PADI1: variants seen among roughly 807,000 people sequenced by gnomAD.
PADI1 encodes the protein peptidyl arginine deiminase 1, also known as protein-arginine deiminase type-1.
PADI1 carries 65 observed loss-of-function variants against 74.8 expected under a neutral mutation model. The ratio of observed to expected loss-of-function variants is 0.87; its 90% confidence interval spans 0.71 to 1.07. The LOEUF is 1.07. Among genes scored for constraint, PADI1 ranks in the 50% least tolerant of loss-of-function variants. The pLI, the probability that PADI1 is intolerant of heterozygous loss-of-function variation, is 0.00. For synonymous variants in PADI1, 371 were observed against 336.2 expected, an observed-to-expected ratio of 1.10 and a Z score of -1.13; for missense variants, 943 against 854.0, an observed-to-expected ratio of 1.10 and a Z score of -1.30.
chr1:17,219,913 A>G (rs2072089431), intron 1 of PADI1, among the ~76,000 whole-genome samples: 1 of 151,954 alleles, frequency 6.6e-6, no homozygotes, highest in Non-Finnish European at 1.5e-5. Context: ...GATCAAGGAA[A>G]CTGTCCAGGG....
chr1:17,213,198 G>T (rs918829087), intron 1 of PADI1, among the ~76,000 whole-genome samples: 3 of 11,328 alleles, frequency 2.6e-4, no homozygotes, highest in Non-Finnish European at 6.5e-4. Context: ...TACCAGGCTG[G>T]TAGGAGCAGG....
intron 11 of PADI1, among the ~76,000 whole-genome samples, chr1:17,235,269 A>AGGAAGGAAGGAAGGAG (rs2072608597): frequency 7.4e-6 from 1 of 134,852 alleles, no homozygotes; most frequent in Non-Finnish European, 1.6e-5. Flanking sequence ...AAGGGAAGGA[A>AGGAAGGAAGGAAGGAG]GGAAGGAAGG....
chr1:17,224,524 A>AT (rs1557464432), intron 4 of PADI1, 96 bp downstream of exon 4: 1 of 937,804 alleles, frequency 1.1e-6, no homozygotes, highest in Non-Finnish European at 1.7e-6. Flanking sequence ...AGAATGATGG[A>AT]TCCCCAGGGT....
At chr1:17,239,624 C>T (rs2072729911) in intron 13 of PADI1, 80 bp from the exon 14 acceptor site, 1 of 1,073,308 alleles carries the variant, frequency 9.3e-7, no homozygotes, top group African/African-American at 1.6e-5. Flanking sequence ...GAAATCCTGG[C>T]CTGGATTATG....
chr1:17,219,811 G>A (rs908201871), intron 1 of PADI1, among the ~76,000 whole-genome samples: 1 of 152,104 alleles, frequency 6.6e-6, no homozygotes, highest in African/African-American at 2.4e-5. Context: ...AGGCCCAGGG[G>A]CTGGAGGGAG....
At chr1:17,221,928 C>T (rs2072162501) in intron 1 of PADI1, among the ~76,000 whole-genome samples, 1 of 152,232 alleles carries the variant, frequency 6.6e-6, no homozygotes, top group Non-Finnish European at 1.5e-5. Flanking sequence ...TGGGTGGGAC[C>T]ACGGACCCAT....
chr1:17,233,275 C>A (rs572273625), intron 11 of PADI1, among the ~76,000 whole-genome samples: 7 of 152,296 alleles, frequency 4.6e-5, no homozygotes, highest in Admixed American at 4.6e-4. Context: ...TTTCTGGCTT[C>A]TCATGAAAAA....
At chr1:17,208,034 C>T (rs1456172113) in intron 1 of PADI1, among the ~76,000 whole-genome samples, 3 of 152,230 alleles carry the variant, frequency 2.0e-5, no homozygotes, top group Non-Finnish European at 2.9e-5. Context: ...AGGGGTTACA[C>T]TTGATGACAA....
rs202230158 is a variant in PADI1, at chr1:17,232,984, G to A, written c.1313+14G>A. Reference sequence around the variant, plus strand: ...CAGCTTCCCCAAGTGAGGGGCTGGGGCGGGAGGTGGGGAGGCACAAGGGAA... The same window carrying A: ...CAGCTTCCCCAAGTGAGGGGCTGGGACGGGAGGTGGGGAGGCACAAGGGAA... On this transcript the variant is annotated intron_variant, in intron 11 of 15. Transcript: ENST00000375471. The A allele has an allele frequency of 1.3e-6, 2 of 1,588,584 alleles. No homozygotes were observed.
intron 1 of PADI1, among the ~76,000 whole-genome samples, 162 bp from the exon 2 acceptor site, chr1:17,222,128 C>G (rs573427581): frequency 6.6e-6 from 1 of 152,324 alleles, no homozygotes; most frequent in African/African-American, 2.4e-5. Context: ...CCCTGGCTTC[C>G]AGATGCTCCT....
Position 17,244,431 on chromosome 1 carries a change from A to C in PADI1, c.*188A>C. 1.5e-6 allele frequency: 1 copy of C among 683,312 alleles called. No homozygotes were observed. Among genetic ancestry groups the C allele is most frequent in the Non-Finnish European group, 2.7e-6 (1 of 372,814 alleles). The allele number at this position is 683,312 out of a possible 1,614,324, so 42.3% of individuals were successfully genotyped here. On this transcript the variant is annotated 3_prime_UTR_variant, in exon 16 of 16. Transcript: ENST00000375471. Reference sequence around the variant, plus strand: ...CCCTCGCCTCTGGAATGGCCTACCCAACCCGAGAAGAATGCACCTCATTCT... The same window carrying C: ...CCCTCGCCTCTGGAATGGCCTACCCCACCCGAGAAGAATGCACCTCATTCT...
intron 9 of PADI1, 111 bp from the exon 10 acceptor site, chr1:17,230,461 G>T: frequency 1.3e-6 from 1 of 782,344 alleles, no homozygotes; most frequent in Non-Finnish European, 2.0e-6. Context: ...CCCTCACCAG[G>T]TCTTAGGGAA....
chr1:17,238,197 T>C lies in PADI1; in HGVS notation c.1459-419T>C, dbSNP rs544962824. 1.1e-4 allele frequency among the ~76,000 whole-genome samples: 16 copies of C among 152,298 alleles called. 1 individual carries two copies. In the South Asian group the frequency reaches 3.1e-3, roughly 30 times the overall value. On this transcript the variant is annotated intron_variant, in intron 12 of 15. Transcript: ENST00000375471. ...CCAAGTAGCTGGGATTACACCACCA[T>C]GCCCAGCTAATTTTTTGTATTTTAA... is the stretch of plus-strand genomic sequence containing the variant.
At position 17,232,866 on chromosome 1, in the gene PADI1, C is replaced by G. The variant is rs2072533461; in HGVS notation, c.1209C>G (p.Pro403=). Residue 403 remains proline (P), a synonymous_variant, in exon 11 of 16, where the codon CCC becomes CCG. Transcript: ENST00000375471. ...CCCGGGAGATCCCGCTCCCTGGTCCCTCCAGCCTTGACTCCTTCGGCAACC... is the reference window on the plus strand; with the variant it reads ...CCCGGGAGATCCCGCTCCCTGGTCCGTCCAGCCTTGACTCCTTCGGCAACC... ...YVTREIPLPG[P]SSLDSFGNLD... 2 of 1,613,594 alleles carry G rather than the reference C, an allele frequency of 1.2e-6. No homozygotes were observed. Among genetic ancestry groups the G allele is most frequent in the Admixed American group, 3.3e-5 (2 of 59,984 alleles).
In PADI1 at chr1:17,211,994, T is replaced by C. The variant is rs56851723; in HGVS notation, c.92+6685T>C. On this transcript the variant is annotated intron_variant, in intron 1 of 15. Transcript: ENST00000375471. ...CTGGTGCCCAGCATGGGACCTGATG[T>C]ACAGTAGCTACCCAGGAAGGTACGT... Among the ~76,000 whole-genome samples the C allele has an allele frequency of 2.7e-3, 407 of 152,340 alleles. 17 individuals are homozygous for C. In the East Asian group the frequency reaches 0.055, roughly 21 times the overall value.
At chr1:17,235,198 AAGGGAGGGAGGG>A (rs1480128425) in intron 11 of PADI1, among the ~76,000 whole-genome samples, 7 of 121,256 alleles carry the variant, frequency 5.8e-5, no homozygotes, top group Non-Finnish European at 6.8e-5. Flanking sequence ...AGAAGGAAGG[AAGGGAGGGAGGG>A]AGGAAGGGAA....
chr1:17,227,558 TAA>T (rs1169803004), intron 6 of PADI1, among the ~76,000 whole-genome samples: 6 of 151,300 alleles, frequency 4.0e-5, no homozygotes, highest in South Asian at 2.1e-4. Flanking sequence ...AATAAATAAA[TAA>T]ATAAATAAAT....
chr1:17,213,994 C>T (rs1229600877), intron 1 of PADI1, among the ~76,000 whole-genome samples: 1 of 152,206 alleles, frequency 6.6e-6, no homozygotes, highest in Non-Finnish European at 1.5e-5. Flanking sequence ...CTGGGCGGCG[C>T]AGACGAGATG....
chr1:17,218,897 G>C (rs142550169), intron 1 of PADI1, among the ~76,000 whole-genome samples: 1 of 152,138 alleles, frequency 6.6e-6, no homozygotes, highest in Admixed American at 6.5e-5. Context: ...CTCAAAGGCA[G>C]GAGGGCTGGG....
Sources: allele counts gnomAD v4.1 joint callset (sites outside exome capture counted in the v4.1 genomes callset), GRCh38; gene constraint gnomAD v4.1.1; transcripts MANE v1.5; gene names NCBI Gene and HGNC (gene_info 2026-07-23, HGNC 2026-07-21).